Variants in DDX42 observed in about 807,000 individuals in gnomAD.
DDX42 encodes the protein ATP-dependent RNA helicase DDX42.
DDX42 carries 22 observed loss-of-function variants against 101.5 expected under a neutral mutation model. That is an observed-to-expected ratio of 0.22 (90% confidence interval 0.15 to 0.31). The LOEUF (loss-of-function observed/expected upper bound fraction) is 0.31, where lower values mean the gene tolerates loss of function less well. Ranked by LOEUF, DDX42 falls within the 10% of genes least tolerant of loss-of-function variation. DDX42 has a pLI of 1.00. For synonymous variants in DDX42, 402 were observed against 401.2 expected, an observed-to-expected ratio of 1.00 and a Z score of -0.02; for missense variants, 849 against 1,199.9, an observed-to-expected ratio of 0.71 and a Z score of 4.32.
intron 1 of DDX42, among the ~76,000 whole-genome samples, chr17:63,778,119 G>A (rs2039442623): frequency 6.6e-6 from 1 of 152,198 alleles, no homozygotes; most frequent in African/African-American, 2.4e-5. Context: ...TCCCTTCTGT[G>A]AGACTTTTTC....
At chr17:63,781,958 C>T (rs984870073) in intron 1 of DDX42, among the ~76,000 whole-genome samples, 12 of 151,776 alleles carry the variant, frequency 7.9e-5, no homozygotes, top group South Asian at 2.1e-4. Flanking sequence ...TGCAGTGAGC[C>T]GAGATTGTGC....
Position 63,796,576 on chromosome 17 carries a change from A to C in DDX42, c.373-1462A>C, listed in dbSNP as rs575049261. Among the ~76,000 whole-genome samples the C allele has an allele frequency of 4.6e-5, 7 of 152,338 alleles. No homozygotes were observed. In the East Asian group the frequency reaches 1.3e-3, roughly 29 times the overall value. ...GGTGATCTGCCCGCCTTGGCCTCCC[A>C]AGGTGCTGGGATTACGGGCGTGAGC... On this transcript the variant is annotated intron_variant, in intron 3 of 17. Transcript: ENST00000389924.
In DDX42 at chr17:63,815,598, G is replaced by A; in HGVS notation, c.1938G>A (p.Gly646=). The change falls in exon 16 of 18, where the codon GGG becomes GGA. Residue 646 remains glycine, a synonymous_variant. Coordinates refer to ENST00000389924, the MANE Select transcript of DDX42 (RefSeq NM_203499.3). The part of the protein sequence containing the change: ...AWFRKSRFKG[G]KGKKLNIGGG... ...TTCGGAAATCTCGATTCAAAGGAGG[G>A]AAAGGAAAAAAGCTGAACATTGGTG... 6.2e-7 allele frequency: 1 copy of A among 1,613,926 alleles called. No homozygotes were observed. Among genetic ancestry groups the A allele is most frequent in the Non-Finnish European group, 8.5e-7 (1 of 1,179,916 alleles).
At position 63,802,735 on chromosome 17, in the gene DDX42, A is replaced by G. The variant is rs889898135; in HGVS notation, c.621+2118A>G. 2.2e-4 allele frequency among the ~76,000 whole-genome samples: 33 copies of G among 151,902 alleles called. 1 individual carries two copies. Among genetic ancestry groups the G allele is most frequent in the African/African-American group, 8.0e-4 (33 of 41,320 alleles). On this transcript the variant is annotated intron_variant, in intron 6 of 17. Coordinates refer to ENST00000389924, the MANE Select transcript of DDX42 (RefSeq NM_203499.3). ...AGACCAGCCTGACCAACATGGAGAA[A>G]CCCCATCTCTACTAAAAATACAGAA...
At chr17:63,817,640 C>T in intron 17 of DDX42, 54 bp from the exon 18 acceptor site, 4 of 1,555,908 alleles carry the variant, frequency 2.6e-6, no homozygotes, top group Non-Finnish European at 3.5e-6. Flanking sequence ...GTTGTATATT[C>T]AAGTTTCTTG....
chr17:63,793,837 G>A lies in DDX42; in HGVS notation c.372+1275G>A, dbSNP rs1030317863. On this transcript the variant is annotated intron_variant, in intron 3 of 17. Transcript: ENST00000389924. ...TTAATTTAATCCTCAAAATAATGGT[G>A]GGAAATAGGCAGAAAAATTTATATA... is the stretch of plus-strand genomic sequence containing the variant. Among the ~76,000 whole-genome samples, 17 of 145,956 alleles carry A rather than the reference G, an allele frequency of 1.2e-4. No individual in the cohort carries two copies. In the South Asian group the frequency reaches 3.6e-3, roughly 31 times the overall value.
chr17:63,778,936 A>G (rs1412330868), intron 1 of DDX42, among the ~76,000 whole-genome samples: 1 of 152,048 alleles, frequency 6.6e-6, no homozygotes, highest in Non-Finnish European at 1.5e-5. Flanking sequence ...TAATTGCAAT[A>G]GTGGAGGTGG....
intron 17 of DDX42, chr17:63,817,209 A>G (rs1221619602): frequency 4.2e-6 from 2 of 481,664 alleles, no homozygotes; most frequent in African/African-American, 3.9e-5. Context: ...GTTGTCCTGC[A>G]GCAGGGTGTG....
At chr17:63,794,739 C>G (rs1342420951) in intron 3 of DDX42, among the ~76,000 whole-genome samples, 1 of 151,426 alleles carries the variant, frequency 6.6e-6, no homozygotes, top group African/African-American at 2.4e-5. Context: ...TTGAGACCAG[C>G]CTGGCCAACA....
chr17:63,799,241 A>G (rs571045025), intron 4 of DDX42, among the ~76,000 whole-genome samples: 1 of 152,142 alleles, frequency 6.6e-6, no homozygotes, highest in Admixed American at 6.6e-5. Flanking sequence ...TCTTTTTAGT[A>G]TGAAATACTT....
intron 15 of DDX42, 153 bp from the exon 16 acceptor site, chr17:63,815,410 T>C: frequency 1.9e-6 from 1 of 530,800 alleles, no homozygotes; most frequent in Non-Finnish European, 3.4e-6. Flanking sequence ...GAAACCAATC[T>C]GTGGTTCCTG....
chr17:63,794,709 G>A (rs558846324), intron 3 of DDX42, among the ~76,000 whole-genome samples: 92 of 151,698 alleles, frequency 6.1e-4, no homozygotes, highest in African/African-American at 1.8e-3. Context: ...TTGGGAGGCC[G>A]AGGTGGGCTG....
chr17:63,782,582 C>T (rs543009228), intron 1 of DDX42, among the ~76,000 whole-genome samples: 3 of 152,290 alleles, frequency 2.0e-5, no homozygotes, highest in African/African-American at 7.2e-5. Flanking sequence ...ACTCTTCTTC[C>T]TTAGCTTCCA....
chr17:63,793,879 T>TATATATATATATATATA (rs780884817), intron 3 of DDX42, among the ~76,000 whole-genome samples: 1 of 103,024 alleles, frequency 9.7e-6, no homozygotes, highest in African/African-American at 4.0e-5. Context: ...TATATATATA[T>TATATATATATATATATA]AATTTTTTAA....
At chr17:63,798,182 G>A (rs1026615568) in intron 4 of DDX42, 83 bp downstream of exon 4, 96 of 1,296,502 alleles carry the variant, frequency 7.4e-5, no homozygotes, top group Admixed American at 1.4e-4. Flanking sequence ...AGTTTATAGA[G>A]AAAAAATATT....
Position 63,787,285 on chromosome 17 carries a change from C to T in DDX42, c.221+15C>T, listed in dbSNP as rs369269240. On this transcript the variant is annotated intron_variant, in intron 2 of 17. Transcript: ENST00000389924. ...GAAGAAAATGCGTAAGTGGTAATTC[C>T]TGGTAGTGTAGCAAAGTTTGGACTT... 1.2e-6 allele frequency: 2 copies of T among 1,612,860 alleles called. No individual in the cohort carries two copies. The highest frequency in any genetic ancestry group is 2.7e-5 in the African/African-American group (2 of 74,826).
chr17:63,815,776 G>T, intron 16 of DDX42, 103 bp downstream of exon 16: 1 of 707,548 alleles, frequency 1.4e-6, no homozygotes, highest in Non-Finnish European at 2.3e-6. Flanking sequence ...TGAGTTTAAA[G>T]CCCTGTCTAG....
At chr17:63,815,351 A>G (rs2039964066) in intron 15 of DDX42, among the ~76,000 whole-genome samples, 1 of 152,202 alleles carries the variant, frequency 6.6e-6, no homozygotes, top group African/African-American at 2.4e-5. Context: ...GAAGCCTTAG[A>G]TAAGGATCTC....
intron 2 of DDX42, among the ~76,000 whole-genome samples, chr17:63,787,940 C>T (rs1416326351): frequency 2.2e-5 from 3 of 139,326 alleles, no homozygotes; most frequent in Admixed American, 7.5e-5. Flanking sequence ...GAGTTTTGCT[C>T]GTCACCCAGG....
Sources: gnomAD v4.1 joint callset for allele counts (sites outside exome capture counted in the v4.1 genomes callset) on GRCh38, gnomAD v4.1.1 for gene constraint, MANE v1.5 for transcripts, NCBI Gene and HGNC (gene_info 2026-07-23, HGNC 2026-07-21) for gene names.